RIMBP2: variants seen among roughly 807,000 people sequenced by gnomAD.
RIMBP2 encodes the protein RIMS-binding protein 2.
Under a neutral mutation model 118.6 loss-of-function variants are expected in RIMBP2, and 48 were observed. The ratio of observed to expected loss-of-function variants is 0.40; its 90% CI spans 0.32 to 0.51. The LOEUF (loss-of-function observed/expected upper bound fraction) is 0.51, where lower values mean the gene tolerates loss of function less well. RIMBP2 is among the 20% of genes least tolerant of loss of function. The pLI, the probability that RIMBP2 is intolerant of heterozygous loss-of-function variation, is 0.41. For missense variants in RIMBP2, 1,551 were observed against 1,768.3 expected (o/e 0.88, Z 2.20); for synonymous variants, 762 against 742.9 (o/e 1.03, Z -0.42).
At chr12:130,645,910 T>C (rs2062852690) in intron 1 of RIMBP2, among the ~76,000 whole-genome samples, 1 of 152,174 alleles carries the variant, frequency 6.6e-6, no homozygotes, top group Non-Finnish European at 1.5e-5. Context: ...TCATTAAAGC[T>C]CTTTTCAGTT....
At chr12:130,486,800 C>T (rs1423396409) in intron 4 of RIMBP2, among the ~76,000 whole-genome samples, 4 of 152,160 alleles carry the variant, frequency 2.6e-5, no homozygotes, top group Non-Finnish European at 4.4e-5. Flanking sequence ...AACGCTGCCA[C>T]CTCATCTCTC....
chr12:130,407,997 A>G (rs1255811774), intron 19 of RIMBP2, among the ~76,000 whole-genome samples, 168 bp from the exon 20 acceptor site: 1 of 152,188 alleles, frequency 6.6e-6, no homozygotes, highest in African/African-American at 2.4e-5. Flanking sequence ...ACTTTGGGTC[A>G]GTGGTCTGGG....
In RIMBP2 at chr12:130,687,467, T is replaced by TTA. The variant is rs1296158285; in HGVS notation, c.-352+28753_-352+28754dup. ...TGCACGTTTCACTGTATAATTATTT[T>TTA]TATAAACTAAAGGAAAACTAAACAA... On this transcript the variant is annotated intron_variant, in intron 1 of 22. Transcript: ENST00000690449. Among the ~76,000 whole-genome samples, 78 of 152,188 alleles carry TTA rather than the reference T, an allele frequency of 5.1e-4. 2 individuals carry two copies. The highest frequency in any genetic ancestry group is 1.4e-3 in the Admixed American group (22 of 15,272).
intron 4 of RIMBP2, among the ~76,000 whole-genome samples, chr12:130,491,354 A>G (rs1216950603): frequency 1.3e-5 from 2 of 152,046 alleles, no homozygotes; most frequent in Admixed American, 1.3e-4. Flanking sequence ...CTCTCCCTCC[A>G]CTGTCTCTGC....
chr12:130,481,739 C>T (rs574327309), intron 4 of RIMBP2, among the ~76,000 whole-genome samples: 6 of 152,354 alleles, frequency 3.9e-5, no homozygotes, highest in South Asian at 2.1e-4. Flanking sequence ...TATCTTCCCA[C>T]GTTTACTCCA....
chr12:130,519,436 C>A (rs2051839387), intron 2 of RIMBP2, among the ~76,000 whole-genome samples: 1 of 152,222 alleles, frequency 6.6e-6, no homozygotes, highest in African/African-American at 2.4e-5. Context: ...AATGATTACC[C>A]AACCTTAGGG....
rs2058116493 is a variant in RIMBP2, at chr12:130,576,818, CGT to C, written c.-217+51502_-217+51503del. ...CACCAGGATGGAGATTGCAGGATGG[CGT>C]GTTTCCATCGCGTGTCCAGGCGCAG... On this transcript the variant is annotated intron_variant, in intron 2 of 22. Coordinates refer to ENST00000690449, the MANE Select transcript of RIMBP2 (RefSeq NM_001393629.1). This position sits in a 1 kb window ranked among gnomAD's most constrained non-coding sequence, Gnocchi z 4.2. Among the ~76,000 whole-genome samples, 1 of 152,198 alleles carries C rather than the reference CGT, an allele frequency of 6.6e-6. No individual in the cohort carries two copies. The highest frequency in any genetic ancestry group is 6.5e-5 in the Admixed American group (1 of 15,286).
chr12:130,664,532 T>TGACACCTCGGCTGTCATGAG (rs2063837211), intron 1 of RIMBP2, among the ~76,000 whole-genome samples: 1 of 150,386 alleles, frequency 6.6e-6, no homozygotes, highest in Admixed American at 6.6e-5. Context: ...CTGGAGGTCA[T>TGACACCTCGGCTGTCATGAG]GACACCTCGG....
At chr12:130,508,158 G>C (rs2050546799) in intron 3 of RIMBP2, among the ~76,000 whole-genome samples, 1 of 152,116 alleles carries the variant, frequency 6.6e-6, no homozygotes, top group Non-Finnish European at 1.5e-5. Flanking sequence ...CTGGGGTGCA[G>C]GTTTGCAGAA....
At chr12:130,470,855 A>G (rs2137878792) in intron 5 of RIMBP2, 112 bp from the exon 6 acceptor site, 1 of 496,988 alleles carries the variant, frequency 2.0e-6, no homozygotes, top group South Asian at 1.1e-4. Flanking sequence ...TATTCCTCTA[A>G]TAGAGGAATT....
At chr12:130,436,471 T>C (rs2137027203) in intron 13 of RIMBP2, among the ~76,000 whole-genome samples, 1 of 152,274 alleles carries the variant, frequency 6.6e-6, no homozygotes, top group Non-Finnish European at 1.5e-5. Context: ...CCTAGGACTC[T>C]GCAGCCAGCA....
intron 2 of RIMBP2, among the ~76,000 whole-genome samples, chr12:130,580,389 A>T (rs1383687786): frequency 6.6e-6 from 1 of 152,036 alleles, no homozygotes; most frequent in Non-Finnish European, 1.5e-5. Flanking sequence ...GGTTTTATGA[A>T]AGGGCAGTTC....
intron 4 of RIMBP2, among the ~76,000 whole-genome samples, chr12:130,486,376 C>T (rs1266435933): frequency 6.6e-6 from 1 of 152,130 alleles, no homozygotes; most frequent in African/African-American, 2.4e-5. Flanking sequence ...GGGGCCACGG[C>T]TCTATTTATA....
At chr12:130,666,918 G>A (rs1210612549) in intron 1 of RIMBP2, among the ~76,000 whole-genome samples, 1 of 134,326 alleles carries the variant, frequency 7.4e-6, no homozygotes, top group African/African-American at 2.8e-5. Flanking sequence ...GGGAGAAAGA[G>A]AGGGAGGGAA....
chr12:130,557,176 A>G (rs1016715369), intron 2 of RIMBP2, among the ~76,000 whole-genome samples: 2 of 152,056 alleles, frequency 1.3e-5, no homozygotes, highest in African/African-American at 4.8e-5. Flanking sequence ...CCAGGTGAAG[A>G]TGGGCAAAGA....
chr12:130,589,600 C>T (rs1332792352), intron 2 of RIMBP2, among the ~76,000 whole-genome samples: 2 of 152,108 alleles, frequency 1.3e-5, no homozygotes, highest in Non-Finnish European at 2.9e-5. Context: ...CAGCCATGCC[C>T]AGTTTGTTCT....
At position 130,419,209 on chromosome 12, in the gene RIMBP2, C is replaced by T. The variant is rs776475369; in HGVS notation, c.3238+3244G>A. Among the ~76,000 whole-genome samples, 2 of 152,076 alleles carry T rather than the reference C, an allele frequency of 1.3e-5. No individual in the cohort carries two copies. The highest frequency in any genetic ancestry group is 2.9e-5 in the Non-Finnish European group (2 of 68,024). On this transcript the variant is annotated intron_variant, in intron 17 of 22. Transcript: ENST00000690449. This position sits in a 1 kb window ranked among gnomAD's most constrained non-coding sequence, Gnocchi z 4.3. ...GTCCCTTGTCCTTGGTGATGGCAGG[C>T]GAGACTGAAAGAAGCACTTACCTAC...
In RIMBP2 at chr12:130,670,354, C is replaced by T. The variant is rs993304353; in HGVS notation, c.-351-41898G>A. Among the ~76,000 whole-genome samples the T allele has an allele frequency of 3.9e-5, 6 of 152,092 alleles. No individual in the cohort carries two copies. The highest frequency in any genetic ancestry group is 8.8e-5 in the Non-Finnish European group (6 of 68,022). ...GAAGGCATGGAGAAGCGGATCTTCCCGGCAGCCACCAGCGTGTGAGCATTT... is the reference window on the plus strand; with the variant it reads ...GAAGGCATGGAGAAGCGGATCTTCCTGGCAGCCACCAGCGTGTGAGCATTT... On this transcript the variant is annotated intron_variant, in intron 1 of 22. Coordinates refer to ENST00000690449, the MANE Select transcript of RIMBP2 (RefSeq NM_001393629.1). This position sits in a 1 kb window ranked among gnomAD's most constrained non-coding sequence, Gnocchi z 4.9.
At chr12:130,645,654 G>C (rs73448961) in intron 1 of RIMBP2, among the ~76,000 whole-genome samples, 43 of 152,194 alleles carry the variant, frequency 2.8e-4, no homozygotes, top group Admixed American at 4.6e-4. Flanking sequence ...AGGAGTCGGC[G>C]TTAGCCCAAA....
Sources: gnomAD v4.1 joint callset for allele counts (sites outside exome capture counted in the v4.1 genomes callset) on GRCh38, gnomAD v4.1.1 for gene constraint, Gnocchi (gnomAD v3.1) non-coding constraint, MANE v1.5 for transcripts, NCBI Gene and HGNC (gene_info 2026-07-23, HGNC 2026-07-21) for gene names.